Variants in SASH1 observed in about 807,000 individuals in gnomAD.
SASH1 encodes SAM and SH3 domain-containing protein 1.
Under a neutral mutation model 125.2 loss-of-function variants are expected in SASH1, and 44 were observed. The ratio of observed to expected loss-of-function variants is 0.35; its 90% CI spans 0.28 to 0.45. The LOEUF (loss-of-function observed/expected upper bound fraction) is 0.45. SASH1 is among the 20% of genes least tolerant of loss of function. The pLI is 1.00. For synonymous variants in SASH1, 639 were observed against 649.1 expected (o/e 0.98, Z 0.24); for missense variants, 1,426 against 1,614.5 (o/e 0.88, Z 2.00).
At chr6:148,284,910 C>T (rs925815152) in intron 1 of SASH1, among the ~76,000 whole-genome samples, 1 of 152,052 alleles carries the variant, frequency 6.6e-6, no homozygotes, top group African/African-American at 2.4e-5. Flanking sequence ...GTTTTTAAGG[C>T]CAAATAAATC....
intron 1 of SASH1, among the ~76,000 whole-genome samples, chr6:148,299,234 G>A (rs1343895542): frequency 6.6e-6 from 1 of 152,076 alleles, no homozygotes; most frequent in East Asian, 1.9e-4. Context: ...TTAAACTATA[G>A]CCAGTTGCTG....
chr6:148,317,356 G>A (rs537849401), intron 1 of SASH1, among the ~76,000 whole-genome samples: 1 of 152,172 alleles, frequency 6.6e-6, no homozygotes, highest in Admixed American at 6.5e-5. Context: ...ACTATGGGTG[G>A]ATCAAAAGAA....
the SASH1 span, chr6:148,237,452 A>G: frequency 6.6e-6 from 1 of 152,188 alleles, no homozygotes; most frequent in Non-Finnish European, 1.5e-5. Flanking sequence ...CGCATAAGGT[A>G]CCTGCTTACT....
In SASH1 at chr6:148,327,680, C is replaced by A. The variant is rs548059929; in HGVS notation, n.74+55303C>A. On this transcript the variant is annotated intron_variant and non_coding_transcript_variant, in intron 1 of 3. Coordinates refer to the SASH1 transcript ENST00000367469. ...AAGTGGCCAGGTGCAGTGGCTCACG[C>A]CTGTAATCCCAACACTTTGGGAGGC... is the stretch of plus-strand genomic sequence containing the variant. Among the ~76,000 whole-genome samples, 9 of 151,206 alleles carry A rather than the reference C, an allele frequency of 6.0e-5. No homozygotes were observed. The East Asian group carries it at 1.6e-3, about 27-fold the overall frequency.
intron 1 of SASH1, among the ~76,000 whole-genome samples, chr6:148,325,886 T>C (rs536769305): frequency 4.1e-4 from 63 of 152,134 alleles, no homozygotes; most frequent in Non-Finnish European, 7.8e-4. Flanking sequence ...CCTGGATTAG[T>C]AGCATGACTC....
chr6:148,546,658 T>C (rs534732883), intron 19 of SASH1, among the ~76,000 whole-genome samples: 1 of 152,276 alleles, frequency 6.6e-6, no homozygotes, highest in African/African-American at 2.4e-5. Flanking sequence ...CCACAAAATA[T>C]AGTATATGAG....
At chr6:148,408,404 C>T (rs531056454) in intron 2 of SASH1, among the ~76,000 whole-genome samples, 122 of 152,198 alleles carry the variant, frequency 8.0e-4, no homozygotes, top group Middle Eastern at 3.4e-3. Flanking sequence ...CCACGCCCAG[C>T]GCATCTTTTC....
At chr6:148,425,567 A>G (rs1036554334) in intron 2 of SASH1, among the ~76,000 whole-genome samples, 5 of 152,156 alleles carry the variant, frequency 3.3e-5, no homozygotes, top group Admixed American at 3.3e-4. Context: ...AAAGACAATT[A>G]TTTTCAAAGA....
the SASH1 span, among the ~76,000 whole-genome samples, chr6:148,233,974 C>G: frequency 1.3e-5 from 2 of 151,222 alleles, no homozygotes; most frequent in Non-Finnish European, 2.9e-5. Flanking sequence ...GAAAAAAATA[C>G]TAGAAAAAGA....
At chr6:148,396,874 A>G (rs1783975746) in intron 2 of SASH1, among the ~76,000 whole-genome samples, 1 of 152,112 alleles carries the variant, frequency 6.6e-6, no homozygotes. Flanking sequence ...AAGTTATTAG[A>G]GGCTTAAATG....
intron 12 of SASH1, among the ~76,000 whole-genome samples, chr6:148,528,025 A>G (rs905219066): frequency 6.7e-6 from 1 of 149,416 alleles, no homozygotes; most frequent in African/African-American, 2.5e-5. Context: ...CGATCATAGC[A>G]TAAGTTGTTC....
chr6:148,534,631 C>A (rs1368747813), intron 15 of SASH1, 120 bp from the exon 16 acceptor site: 3 of 972,066 alleles, frequency 3.1e-6, no homozygotes, highest in Admixed American at 3.6e-5. Context: ...ACTTACTAAT[C>A]TTTTGATTAG....
chr6:148,439,309 C>A (rs1488531780), intron 2 of SASH1, among the ~76,000 whole-genome samples: 1 of 152,172 alleles, frequency 6.6e-6, no homozygotes, highest in South Asian at 2.1e-4. Context: ...CATTTATCAA[C>A]TCGATACCGC....
intron 7 of SASH1, among the ~76,000 whole-genome samples, chr6:148,485,747 G>C (rs1778810100): frequency 2.6e-5 from 4 of 152,188 alleles, no homozygotes; most frequent in Admixed American, 2.6e-4. Context: ...TGTGAAAGTG[G>C]CTTTTTCCTG....
At chr6:148,517,100 G>A (rs1165114247) in intron 9 of SASH1, among the ~76,000 whole-genome samples, 3 of 152,162 alleles carry the variant, frequency 2.0e-5, no homozygotes, top group Non-Finnish European at 4.4e-5. Context: ...TTTGTAGAAA[G>A]CCTTTCAGTT....
chr6:148,202,934 A>G, the SASH1 span, among the ~76,000 whole-genome samples: 6 of 152,152 alleles, frequency 3.9e-5, no homozygotes, highest in African/African-American at 7.2e-5. Context: ...AGCCTATGCA[A>G]CAGAGCAAGG....
chr6:148,467,765 C>T (rs543924971), intron 4 of SASH1, among the ~76,000 whole-genome samples: 10 of 152,184 alleles, frequency 6.6e-5, no homozygotes, highest in South Asian at 2.1e-4. Context: ...GGTGAAACCC[C>T]GTCTCTACTA....
Position 148,495,390 on chromosome 6 carries a change from G to A in SASH1, c.729+7675G>A. Among the ~76,000 whole-genome samples, 1 of 152,262 alleles carries A rather than the reference G, an allele frequency of 6.6e-6. No homozygotes were observed. Among genetic ancestry groups the A allele is most frequent in the African/African-American group, 2.4e-5 (1 of 41,546 alleles). On this transcript the variant is annotated intron_variant, in intron 8 of 19. Transcript: ENST00000367467. This position sits in a 1 kb window ranked among gnomAD's most constrained non-coding sequence, Gnocchi z 4.0. ...GTCGTCTTTTATAGAATCTGCTATT[G>A]TGAGCTCAACTCAAAATTTTAAAGG...
intron 1 of SASH1, among the ~76,000 whole-genome samples, chr6:148,346,639 T>C (rs1582996197): frequency 6.6e-6 from 1 of 152,336 alleles, no homozygotes; most frequent in East Asian, 1.9e-4. Context: ...ATTTCTTAAA[T>C]GCAGGAGTCA....
Sources: allele counts gnomAD v4.1 joint callset (sites outside exome capture counted in the v4.1 genomes callset), GRCh38; gene constraint gnomAD v4.1.1; non-coding constraint Gnocchi (gnomAD v3.1); transcripts MANE v1.5; gene names NCBI Gene and HGNC (gene_info 2026-07-23, HGNC 2026-07-21).